LHPP: variants seen among roughly 807,000 people sequenced by gnomAD.
The protein encoded by LHPP is phospholysine phosphohistidine inorganic pyrophosphate phosphatase.
In LHPP, 24 loss-of-function variants were observed where a neutral mutation model predicts 30.3. That is an observed-to-expected ratio of 0.79 (90% CI 0.57 to 1.11). The LOEUF (loss-of-function observed/expected upper bound fraction) is 1.11, where lower values mean the gene tolerates loss of function less well. Ranked by LOEUF, LHPP falls within the 50% of genes most tolerant of loss-of-function variation. The pLI, the probability that LHPP is intolerant of heterozygous loss-of-function variation, is 0.00. For synonymous variants in LHPP, 150 were observed against 157.1 expected, an observed-to-expected ratio of 0.95 and a Z score of 0.34; for missense variants, 356 against 367.2, an observed-to-expected ratio of 0.97 and a Z score of 0.25.
At chr10:124,554,739 G>C (rs1324786723) in intron 6 of LHPP, among the ~76,000 whole-genome samples, 1 of 152,188 alleles carries the variant, frequency 6.6e-6, no homozygotes, top group East Asian at 1.9e-4. Context: ...GCGGGTCCCA[G>C]GGCTCACTTT....
intron 1 of LHPP, among the ~76,000 whole-genome samples, chr10:124,476,643 C>T (rs1307685058): frequency 2.0e-5 from 3 of 151,902 alleles, no homozygotes; most frequent in Non-Finnish European, 4.4e-5. Context: ...GTGCAGGGCA[C>T]GGGGTGGGCT....
chr10:124,529,692 C>A (rs369487564), intron 6 of LHPP, among the ~76,000 whole-genome samples: 5 of 152,158 alleles, frequency 3.3e-5, no homozygotes, highest in African/African-American at 7.2e-5. Context: ...CGAGGGGCCA[C>A]GCCCTGCACT....
chr10:124,514,349 ACTT>A (rs1352974227), intron 5 of LHPP, among the ~76,000 whole-genome samples: 2 of 152,182 alleles, frequency 1.3e-5, no homozygotes, highest in African/African-American at 2.4e-5. Flanking sequence ...CGCCCAAAGG[ACTT>A]CTTCTACATT....
chr10:124,549,811 A>C (rs1290544811), intron 6 of LHPP, among the ~76,000 whole-genome samples: 2 of 152,266 alleles, frequency 1.3e-5, no homozygotes, highest in African/African-American at 4.8e-5. Context: ...ATCCTGGCTG[A>C]GTGCCTAGTG....
At chr10:124,522,997 G>C (rs1012458257) in intron 6 of LHPP, among the ~76,000 whole-genome samples, 2 of 152,094 alleles carry the variant, frequency 1.3e-5, no homozygotes, top group Non-Finnish European at 2.9e-5. Flanking sequence ...AGGCCGTGTG[G>C]CCTCTCACCA....
At chr10:124,514,695 T>G (rs1954401923) in intron 5 of LHPP, among the ~76,000 whole-genome samples, 1 of 152,226 alleles carries the variant, frequency 6.6e-6, no homozygotes. Flanking sequence ...GTGTTTGGTG[T>G]TCATTGGGAT....
chr10:124,562,377 A>G (rs553091588), intron 6 of LHPP, among the ~76,000 whole-genome samples: 45 of 152,294 alleles, frequency 3.0e-4, no homozygotes, highest in Middle Eastern at 3.4e-3. Context: ...TAGAACTGAA[A>G]AATACAGTAG....
chr10:124,487,535 C>T (rs544048022), intron 2 of LHPP, among the ~76,000 whole-genome samples: 4 of 151,482 alleles, frequency 2.6e-5, no homozygotes, highest in East Asian at 1.9e-4. Flanking sequence ...CTCTGCCTCT[C>T]GGGTTCAAGT....
intron 6 of LHPP, among the ~76,000 whole-genome samples, chr10:124,572,505 C>T (rs958511415): frequency 4.0e-5 from 6 of 151,818 alleles, no homozygotes; most frequent in Non-Finnish European, 8.8e-5. Context: ...GTGGTGGGTG[C>T]CTGTAATCCC....
chr10:124,515,834 G>A (rs1010174462), intron 5 of LHPP, among the ~76,000 whole-genome samples: 23 of 152,208 alleles, frequency 1.5e-4, no homozygotes, highest in African/African-American at 5.1e-4. Context: ...CACAGGCACC[G>A]TTTTCCCTAG....
At position 124,536,111 on chromosome 10, in the gene LHPP, G is replaced by C. The variant is rs571852993; in HGVS notation, c.716+18840G>C. Among the ~76,000 whole-genome samples, 3 of 152,394 alleles carry C rather than the reference G, an allele frequency of 2.0e-5. No homozygotes were observed. The South Asian group carries it at 6.2e-4, about 32-fold the overall frequency. ...GGGGTGGAGCAGGCCTGTAAGGTGG[G>C]GGCTGGGGCCGGCACTGGGTCCCCG... On this transcript the variant is annotated intron_variant, in intron 6 of 6. Transcript: ENST00000368842.
At chr10:124,579,983 T>G (rs769819750) in intron 6 of LHPP, among the ~76,000 whole-genome samples, 2 of 152,256 alleles carry the variant, frequency 1.3e-5, no homozygotes, top group Non-Finnish European at 2.9e-5. Context: ...GATGGTATTT[T>G]GTTGTAATAT....
At chr10:124,494,570 G>A (rs1200875867) in intron 3 of LHPP, among the ~76,000 whole-genome samples, 1 of 152,204 alleles carries the variant, frequency 6.6e-6, no homozygotes, top group East Asian at 1.9e-4. Flanking sequence ...GGGGACGAGG[G>A]TCATGGCCTT....
rs184461433 is a variant in LHPP at position 124,567,791 on chromosome 10, C to T, written c.717-45473C>T. ...CGCATGCAACGCACAAACACATGGA[C>T]ACACATGCGCATGCATGCACACACT... On this transcript the variant is annotated intron_variant, in intron 6 of 6. Transcript: ENST00000368842. Among the ~76,000 whole-genome samples, 18 of 152,376 alleles carry T rather than the reference C, an allele frequency of 1.2e-4. No homozygotes were observed. In the East Asian group the frequency reaches 3.1e-3, roughly 26 times the overall value.
intron 6 of LHPP, among the ~76,000 whole-genome samples, chr10:124,547,859 T>A (rs558024138): frequency 3.3e-4 from 50 of 152,344 alleles, no homozygotes; most frequent in Non-Finnish European, 6.0e-4. Context: ...TATTGCATAA[T>A]CTCAGATGCT....
At chr10:124,483,735 C>T (rs186979920) in intron 1 of LHPP, among the ~76,000 whole-genome samples, 68 of 150,844 alleles carry the variant, frequency 4.5e-4, no homozygotes, top group African/African-American at 1.4e-3. Flanking sequence ...CCAGCCTGGG[C>T]GACAAGAGCG....
chr10:124,608,499 C>T (rs961971750), intron 6 of LHPP, among the ~76,000 whole-genome samples: 7 of 152,248 alleles, frequency 4.6e-5, no homozygotes, highest in Admixed American at 1.3e-4. Context: ...ATTATGACCT[C>T]GGTCTAGAGG....
At chr10:124,533,622 C>T (rs1446745891) in intron 6 of LHPP, among the ~76,000 whole-genome samples, 1 of 152,218 alleles carries the variant, frequency 6.6e-6, no homozygotes, top group Non-Finnish European at 1.5e-5. Context: ...GATGGCTCTT[C>T]CCTGCCTCTG....
chr10:124,578,064 C>G (rs1564839405), intron 6 of LHPP, among the ~76,000 whole-genome samples: 1 of 152,122 alleles, frequency 6.6e-6, no homozygotes, highest in Non-Finnish European at 1.5e-5. Context: ...CTGACTGGGA[C>G]CAAGCCCCAG....
Sources: gnomAD v4.1 joint callset for allele counts (sites outside exome capture counted in the v4.1 genomes callset) on GRCh38, gnomAD v4.1.1 for gene constraint, MANE v1.5 for transcripts, NCBI Gene and HGNC (gene_info 2026-07-23, HGNC 2026-07-21) for gene names.